Variants in FBLN2 observed in about 807,000 individuals in gnomAD.
FBLN2 encodes fibulin 2.
In FBLN2, 81 loss-of-function variants were observed where a neutral mutation model predicts 123.7. That is an observed-to-expected ratio of 0.65 (90% CI 0.55 to 0.79). The LOEUF (loss-of-function observed/expected upper bound fraction) is 0.79. FBLN2 is among the 30% of genes least tolerant of loss of function. The probability of loss-of-function intolerance (pLI) is 0.00; values close to 1 mark genes in which losing one functional copy is unlikely to be tolerated. For missense variants in FBLN2, 1,603 were observed against 1,681.3 expected (o/e 0.95, Z 0.81); for synonymous variants, 699 against 701.4 (o/e 1.00, Z 0.05).
Position 13,570,942 on chromosome 3 carries a change from C to T in FBLN2, c.587C>T (p.Pro196Leu). 6.2e-6 allele frequency: 10 copies of T among 1,612,854 alleles called. No individual in the cohort carries two copies. Among genetic ancestry groups the T allele is most frequent in the Non-Finnish European group, 8.5e-6 (10 of 1,179,586 alleles). The change falls in exon 2 of 18, where the codon CCC becomes CTC. Residue 196 changes from proline (P) to leucine (L), a missense_variant. By Grantham distance (98) the Pro-to-Leu change is moderately conservative (BLOSUM62 -3). Transcript: ENST00000404922. ...EGDPERHYED[P>L]YSYDQEVAEV... ...GACCCCGAGCGACACTACGAAGACC[C>T]CTACAGCTATGACCAGGAGGTGGCC...
At chr3:13,614,803 C>T (rs1217505798) in intron 5 of FBLN2, among the ~76,000 whole-genome samples, 1 of 148,068 alleles carries the variant, frequency 6.8e-6, no homozygotes, top group Non-Finnish European at 1.5e-5. Context: ...CCATCCATCC[C>T]TCATCCATCC....
intron 1 of FBLN2, among the ~76,000 whole-genome samples, chr3:13,568,500 C>T (rs999340582): frequency 2.6e-5 from 4 of 152,230 alleles, no homozygotes; most frequent in Non-Finnish European, 5.9e-5. Context: ...CCAGCGCTTA[C>T]AGGCACGCCC....
At chr3:13,563,754 A>AG (rs1703671460) in intron 1 of FBLN2, among the ~76,000 whole-genome samples, 1 of 152,240 alleles carries the variant, frequency 6.6e-6, no homozygotes, top group Non-Finnish European at 1.5e-5. Context: ...CCATGTGGCT[A>AG]GAGGTGGTCT....
intron 2 of FBLN2, among the ~76,000 whole-genome samples, chr3:13,597,685 G>C (rs1397146677): frequency 6.6e-6 from 1 of 152,242 alleles, no homozygotes; most frequent in Non-Finnish European, 1.5e-5. Context: ...AGAATACTCA[G>C]GGTCGTGGGT....
intron 15 of FBLN2, 65 bp downstream of exon 15, chr3:13,630,880 C>G: frequency 1.6e-6 from 2 of 1,255,530 alleles, no homozygotes; most frequent in Non-Finnish European, 1.1e-6. Flanking sequence ...GCCAGGCTCC[C>G]CGAGAGTCCC....
At chr3:13,549,240 C>G in intron 1 of FBLN2, 32 bp downstream of exon 1, 5 of 981,956 alleles carry the variant, frequency 5.1e-6, no homozygotes, top group Non-Finnish European at 6.0e-6. Context: ...CGCCCGGACT[C>G]ATCCCCGTCG....
At chr3:13,566,323 T>C (rs1371028606) in intron 1 of FBLN2, among the ~76,000 whole-genome samples, 1 of 152,194 alleles carries the variant, frequency 6.6e-6, no homozygotes, top group African/African-American at 2.4e-5. Context: ...GCTTCTCTCT[T>C]GTACGAGTGT....
At chr3:13,625,995 C>T (rs1190841404) in intron 9 of FBLN2, among the ~76,000 whole-genome samples, 1 of 151,934 alleles carries the variant, frequency 6.6e-6, no homozygotes, top group African/African-American at 2.4e-5. Context: ...GTCATCTTGT[C>T]ACATCTTTGC....
At chr3:13,602,964 G>A (rs1705083636) in intron 2 of FBLN2, among the ~76,000 whole-genome samples, 1 of 149,724 alleles carries the variant, frequency 6.7e-6, no homozygotes, top group Admixed American at 6.7e-5. Flanking sequence ...AGGCTGGAGT[G>A]CAGTGGTGCG....
chr3:13,615,869 C>T (rs1445535276), intron 5 of FBLN2, among the ~76,000 whole-genome samples: 1 of 152,200 alleles, frequency 6.6e-6, no homozygotes, highest in East Asian at 1.9e-4. Context: ...TAGACCCAGT[C>T]AGCCTTGGTT....
rs1705833209 is a variant in FBLN2 at position 13,621,053 on chromosome 3, C to T, written c.2156-722C>T. 2.6e-5 allele frequency among the ~76,000 whole-genome samples: 4 copies of T among 152,204 alleles called. 1 individual carries two copies. The South Asian group carries it at 8.3e-4, about 31-fold the overall frequency. On this transcript the variant is annotated intron_variant, in intron 8 of 17. Coordinates refer to ENST00000404922, the MANE Select transcript of FBLN2 (RefSeq NM_001004019.2). ...TTTCTGGGGCAGGCCTCCTTTGGGC[C>T]CAGCCCTGTGAGGCCCCTCTGCCTG... is the stretch of plus-strand genomic sequence containing the variant.
At chr3:13,566,857 G>T (rs60390060) in intron 1 of FBLN2, among the ~76,000 whole-genome samples, 1 of 151,046 alleles carries the variant, frequency 6.6e-6, no homozygotes, top group Admixed American at 6.5e-5. Flanking sequence ...TGAGCCAAAC[G>T]AAAGCACTTA....
At chr3:13,552,505 C>A (rs1209193793) in intron 1 of FBLN2, among the ~76,000 whole-genome samples, 1 of 152,122 alleles carries the variant, frequency 6.6e-6, no homozygotes, top group Non-Finnish European at 1.5e-5. Context: ...GTGCAGGTGT[C>A]CGTGTGGCTG....
chr3:13,585,907 T>C (rs533878495), intron 2 of FBLN2, among the ~76,000 whole-genome samples: 2 of 152,362 alleles, frequency 1.3e-5, no homozygotes, highest in East Asian at 3.9e-4. Flanking sequence ...GTTTTTGTTG[T>C]TATTTTGGTA....
intron 16 of FBLN2, among the ~76,000 whole-genome samples, chr3:13,631,751 GA>G (rs1706266610): frequency 6.6e-6 from 1 of 152,210 alleles, no homozygotes; most frequent in Non-Finnish European, 1.5e-5. Flanking sequence ...ACGGAGGCAC[GA>G]AGCCTGCCCA....
intron 2 of FBLN2, among the ~76,000 whole-genome samples, chr3:13,578,419 C>T (rs779408625): frequency 3.3e-5 from 5 of 152,200 alleles, no homozygotes; most frequent in Non-Finnish European, 5.9e-5. Flanking sequence ...TTTGCATATT[C>T]TGGATATCCC....
Position 13,584,630 on chromosome 3 carries a change from A to C in FBLN2, c.1306+12969A>C, listed in dbSNP as rs183291957. ...GCAACTGTGCCTGTATGGGGACCCCAGGATGCCACCCTCCAGGCCAGCCTC... is the reference window on the plus strand; with the variant it reads ...GCAACTGTGCCTGTATGGGGACCCCCGGATGCCACCCTCCAGGCCAGCCTC... On this transcript the variant is annotated intron_variant, in intron 2 of 17. Transcript: ENST00000404922. Among the ~76,000 whole-genome samples, 297 of 152,292 alleles carry C rather than the reference A, an allele frequency of 2.0e-3. 4 individuals carry two copies. Among genetic ancestry groups the C allele is most frequent in the African/African-American group, 6.8e-3 (283 of 41,570 alleles).
chr3:13,600,017 C>CAGAGAGAGAGAGAGAGAGAGAG (rs113759892), intron 2 of FBLN2, among the ~76,000 whole-genome samples: 1 of 137,290 alleles, frequency 7.3e-6, no homozygotes, highest in Admixed American at 7.2e-5. Context: ...AAAAACACGA[C>CAGAGAGAGAGAGAGAGAGAGAG]AGAGAGAGAG....
At chr3:13,621,955 T>C (rs1705868455) in intron 9 of FBLN2, 40 bp downstream of exon 9, 1 of 1,596,202 alleles carries the variant, frequency 6.3e-7, no homozygotes, top group Non-Finnish European at 8.5e-7. Context: ...GTCACAGCTC[T>C]CCGCTCTGCT....
Sources: allele counts gnomAD v4.1 joint callset (sites outside exome capture counted in the v4.1 genomes callset), GRCh38; gene constraint gnomAD v4.1.1; transcripts MANE v1.5; gene names NCBI Gene and HGNC (gene_info 2026-07-23, HGNC 2026-07-21).